Variants in GPHN observed in about 807,000 individuals in gnomAD.
The protein encoded by GPHN is gephyrin.
In GPHN, 17 loss-of-function variants were observed where a neutral mutation model predicts 95.5. The ratio of observed to expected loss-of-function variants is 0.18; its 90% CI spans 0.12 to 0.27. The LOEUF (loss-of-function observed/expected upper bound fraction) is 0.27, where lower values mean the gene tolerates loss of function less well. Ranked by LOEUF, GPHN falls within the 10% of genes least tolerant of loss-of-function variation. The pLI is 1.00. For missense variants in GPHN, 660 were observed against 978.1 expected, an observed-to-expected ratio of 0.67 and a Z score of 4.34; for synonymous variants, 320 against 322.5, an observed-to-expected ratio of 0.99 and a Z score of 0.08.
At chr14:66,624,986 G>A (rs1186493094) in intron 1 of GPHN, among the ~76,000 whole-genome samples, 1 of 152,202 alleles carries the variant, frequency 6.6e-6, no homozygotes, top group African/African-American at 2.4e-5. Context: ...GATGCCTAGA[G>A]TAAGTGCCTG....
At position 66,828,168 on chromosome 14, in the gene GPHN, A is replaced by G. The variant is rs2061449263; in HGVS notation, c.294+3602A>G. On this transcript the variant is annotated intron_variant, in intron 4 of 22. Transcript: ENST00000478722. The stretch of plus-strand genomic sequence containing the variant: ...TGTATATATAAATACATATGATATG[A>G]ATATCTATGGCAAAAGTTTGTAGCA... Among the ~76,000 whole-genome samples, 4 of 151,998 alleles carry G rather than the reference A, an allele frequency of 2.6e-5. No individual in the cohort carries two copies. The South Asian group carries it at 8.3e-4, about 31-fold the overall frequency.
chr14:66,955,826 T>C (rs939700558), intron 8 of GPHN, among the ~76,000 whole-genome samples: 8 of 152,174 alleles, frequency 5.3e-5, no homozygotes, highest in Non-Finnish European at 1.0e-4. Context: ...GTCCCTGCAA[T>C]AGTTTGCTGA....
the GPHN span, among the ~76,000 whole-genome samples, chr14:67,508,071 G>A: frequency 3.3e-5 from 5 of 149,660 alleles, no homozygotes; most frequent in Non-Finnish European, 7.4e-5. Flanking sequence ...CCGGGAGGTG[G>A]AGTTTGCTGT....
chr14:66,595,512 G>A (rs994062545), intron 1 of GPHN, among the ~76,000 whole-genome samples: 5 of 152,162 alleles, frequency 3.3e-5, no homozygotes, highest in African/African-American at 7.2e-5. Context: ...AGCCAGGTAC[G>A]GAGTGGTGAG....
chr14:67,194,615 C>T, the GPHN span, among the ~76,000 whole-genome samples: 1 of 152,134 alleles, frequency 6.6e-6, no homozygotes, highest in Admixed American at 6.5e-5. Context: ...AAGAGATTCT[C>T]CTGCTTCAGT....
chr14:67,030,525 A>G (rs1039116254), intron 10 of GPHN, among the ~76,000 whole-genome samples: 5 of 152,104 alleles, frequency 3.3e-5, no homozygotes, highest in African/African-American at 7.2e-5. Flanking sequence ...GAACATTTCA[A>G]TTTGCAAATA....
chr14:67,681,202 C>G, the GPHN span, among the ~76,000 whole-genome samples: 1 of 152,198 alleles, frequency 6.6e-6, no homozygotes, highest in Non-Finnish European at 1.5e-5. Context: ...TGCGAGGGCT[C>G]AGAGAGAAGG....
chr14:67,717,375 A>G, the GPHN span, among the ~76,000 whole-genome samples: 1 of 152,200 alleles, frequency 6.6e-6, no homozygotes, highest in Non-Finnish European at 1.5e-5. Context: ...TTAAGCTGGG[A>G]GAAGGTAAAG....
chr14:67,571,401 C>T, the GPHN span: 10 of 217,314 alleles, frequency 4.6e-5, no homozygotes, highest in Non-Finnish European at 8.5e-5. Context: ...TTGATTGTTG[C>T]GACGTCCCCA....
At chr14:66,621,885 C>G (rs7144019) in intron 1 of GPHN, among the ~76,000 whole-genome samples, 51,489 of 151,970 alleles carry the variant, frequency 0.34, 13,143 homozygotes, top group African/African-American at 0.69. Context: ...CTAGTAGTGA[C>G]TGTCTGTGGC....
At chr14:67,380,881 T>C in the GPHN span, 1 of 498,796 alleles carries the variant, frequency 2.0e-6, no homozygotes, top group Non-Finnish European at 3.4e-6. Context: ...TTTTTCTAAA[T>C]GGTTGTTTTT....
At chr14:67,653,067 G>A in the GPHN span, among the ~76,000 whole-genome samples, 1 of 152,186 alleles carries the variant, frequency 6.6e-6, no homozygotes, top group Non-Finnish European at 1.5e-5. Context: ...GGGATTACAG[G>A]CATGAGCCAC....
chr14:66,985,743 A>C, intron 9 of GPHN: 1 of 1,512,426 alleles, frequency 6.6e-7, no homozygotes. Context: ...CTCAAAGTAA[A>C]TATGTTTCTA....
chr14:66,870,678 A>G (rs1444225201), intron 4 of GPHN, among the ~76,000 whole-genome samples: 1 of 152,230 alleles, frequency 6.6e-6, no homozygotes, highest in Non-Finnish European at 1.5e-5. Flanking sequence ...AGATGAAACT[A>G]AAGTTGTGTT....
intron 2 of GPHN, chr14:66,760,716 C>G: frequency 2.2e-6 from 1 of 459,732 alleles, no homozygotes; most frequent in Non-Finnish European, 4.1e-6. Flanking sequence ...GCTGGCAAAG[C>G]ACTTATAGTG....
chr14:67,687,937 A>C, the GPHN span, among the ~76,000 whole-genome samples: 1 of 151,084 alleles, frequency 6.6e-6, no homozygotes, highest in Non-Finnish European at 1.5e-5. Flanking sequence ...ACACCTGGCT[A>C]ATTTTTGTAT....
the GPHN span, among the ~76,000 whole-genome samples, chr14:67,366,676 G>GA: frequency 1.3e-5 from 2 of 152,284 alleles, no homozygotes; most frequent in Admixed American, 1.3e-4. Flanking sequence ...CTGTAGAGAG[G>GA]ATTCATTTTG....
the GPHN span, among the ~76,000 whole-genome samples, chr14:67,510,313 CA>C: frequency 5.3e-5 from 8 of 152,202 alleles, no homozygotes; most frequent in Non-Finnish European, 1.0e-4. Flanking sequence ...CAAGGTCACA[CA>C]AGTGAGTGAG....
intron 18 of GPHN, among the ~76,000 whole-genome samples, chr14:67,158,989 C>G (rs952449386): frequency 6.6e-6 from 1 of 152,088 alleles, no homozygotes; most frequent in African/African-American, 2.4e-5. Flanking sequence ...GTTTCTTGCC[C>G]GGGTACAACT....
Sources: allele counts gnomAD v4.1 joint callset (sites outside exome capture counted in the v4.1 genomes callset), GRCh38; gene constraint gnomAD v4.1.1; transcripts MANE v1.5; gene names NCBI Gene and HGNC (gene_info 2026-07-23, HGNC 2026-07-21).